ZNF469: variants seen among roughly 807,000 people sequenced by gnomAD.
ZNF469 encodes zinc finger protein 469.
ZNF469 carries 1 observed loss-of-function variant against 1.0 expected under a neutral mutation model. That is an observed-to-expected ratio of 1.00 (90% confidence interval 0.35 to 4.73). The LOEUF is 4.73. ZNF469 is among the 30% of genes most tolerant of loss of function. The probability of loss-of-function intolerance (pLI) is 0.16; values close to 1 mark genes in which losing one functional copy is unlikely to be tolerated. For synonymous variants in ZNF469, 2,703 were observed against 2,363.4 expected, an observed-to-expected ratio of 1.14 and a Z score of -4.17; for missense variants, 6,100 against 5,356.3, an observed-to-expected ratio of 1.14 and a Z score of -4.33.
chr16:88,218,409 G>A, the ZNF469 span, among the ~76,000 whole-genome samples: 4 of 150,406 alleles, frequency 2.7e-5, no homozygotes, highest in African/African-American at 9.8e-5. Flanking sequence ...TCACTCTGAT[G>A]GTAGTTTCTT....
rs751166329 is a variant in ZNF469, at chr16:88,428,445, G to A, written c.975G>A (p.Pro325=). The change falls in exon 3 of 3, where the codon CCG becomes CCA. Residue 325 remains proline, a synonymous_variant. Transcript: ENST00000565624. ...CCGTGGGCACGGGCCCTGCCTACCC[G>A]CTGCCCACCCAGCCTGCGCCCTCAC... is the stretch of plus-strand genomic sequence containing the variant. ...EEAVGTGPAY[P]LPTQPAPSPL... 43 of 1,548,062 alleles carry A rather than the reference G, an allele frequency of 2.8e-5. No individual in the cohort carries two copies. The highest frequency in any genetic ancestry group is 1.4e-4 in the South Asian group (12 of 84,040).
At position 88,388,402 on chromosome 16, in the gene ZNF469, C is replaced by T. The variant is rs972034104; in HGVS notation, c.-192+5148C>T. ...TGAGCAGCCATTGAGGCTTTCCTAC[C>T]GGCCGGGCACGGCAGCCGCCTGCAG... On this transcript the variant is annotated intron_variant, in intron 1 of 2. Transcript: ENST00000565624. 2.0e-5 allele frequency among the ~76,000 whole-genome samples: 3 copies of T among 152,386 alleles called. 1 individual carries two copies. Among genetic ancestry groups the T allele is most frequent in the African/African-American group, 2.4e-5 (1 of 41,592 alleles).
the ZNF469 span, among the ~76,000 whole-genome samples, chr16:88,149,315 G>C: frequency 6.6e-6 from 1 of 152,194 alleles, no homozygotes; most frequent in African/African-American, 2.4e-5. Context: ...AATTCCCCTG[G>C]TGAGTGCTGG....
the ZNF469 span, among the ~76,000 whole-genome samples, chr16:88,373,248 G>A: frequency 6.6e-6 from 1 of 152,240 alleles, no homozygotes; most frequent in African/African-American, 2.4e-5. Flanking sequence ...TCCTCCTGCA[G>A]TGGCCACAGT....
At chr16:88,165,643 C>G in the ZNF469 span, among the ~76,000 whole-genome samples, 3 of 152,198 alleles carry the variant, frequency 2.0e-5, no homozygotes, top group Non-Finnish European at 2.9e-5. Context: ...ATAAGACGTA[C>G]TATCTTAACC....
At chr16:88,336,390 A>G in the ZNF469 span, among the ~76,000 whole-genome samples, 3 of 148,430 alleles carry the variant, frequency 2.0e-5, no homozygotes, top group South Asian at 2.2e-4. Flanking sequence ...CCAACATCAC[A>G]CATGTTCATC....
At chr16:88,251,536 G>GTGTTTTTTTTTTTT in the ZNF469 span, among the ~76,000 whole-genome samples, 167 of 78,782 alleles carry the variant, frequency 2.1e-3, 25 homozygotes, top group Middle Eastern at 0.016. Flanking sequence ...TGTCCCTGCT[G>GTGTTTTTTTTTTTT]TCTTTTTTTT....
chr16:88,433,907 T>TG lies in ZNF469; in HGVS notation c.6444dup (p.Gln2149AlafsTer42), dbSNP rs886044697. ...TCGCCTTCCAGGGCCCAAGGTGGGCTGGGGGGGCAGCTGCCAGCATCTCCG... is the reference window on the plus strand; with the variant it reads ...TCGCCTTCCAGGGCCCAAGGTGGGCTGGGGGGGGCAGCTGCCAGCATCTCCG... On this transcript the variant is annotated frameshift_variant, in exon 3 of 3. Coordinates refer to ENST00000565624, the MANE Select transcript of ZNF469 (RefSeq NM_001367624.2). LOFTEE classifies it low-confidence loss of function (END_TRUNC). The TG allele has an allele frequency of 3.2e-6, 5 of 1,548,922 alleles. No homozygotes were observed. The highest frequency in any genetic ancestry group is 1.4e-5 in the African/African-American group (1 of 73,004).
the ZNF469 span, among the ~76,000 whole-genome samples, chr16:88,313,584 G>T: frequency 1.3e-5 from 2 of 151,058 alleles, no homozygotes; most frequent in African/African-American, 4.9e-5. Context: ...AGACAATGAT[G>T]GTGTGGACTC....
chr16:88,408,857 C>A (rs1328191331), intron 1 of ZNF469, among the ~76,000 whole-genome samples: 1 of 152,198 alleles, frequency 6.6e-6, no homozygotes, highest in Non-Finnish European at 1.5e-5. Context: ...TGGCAGATAT[C>A]CCTCTTTCTT....
the ZNF469 span, among the ~76,000 whole-genome samples, chr16:88,315,918 T>C: frequency 0.032 from 4,801 of 152,208 alleles, 254 homozygotes; most frequent in African/African-American, 0.11. Context: ...GGCTGCCTGC[T>C]CCGGACGTTC....
rs143095907 is a variant in ZNF469 at position 88,397,655 on chromosome 16, GAGAT to G, written c.-192+14426_-192+14429del. Among the ~76,000 whole-genome samples, 1,014 of 134,766 alleles carry G rather than the reference GAGAT, an allele frequency of 7.5e-3. 10 individuals carry two copies. Among genetic ancestry groups the G allele is most frequent in the African/African-American group, 0.024 (822 of 34,238 alleles). 88.4% of individuals were successfully genotyped at this position (134,766 alleles called of 152,430 possible). ...TGGATGGATGGATGGATATAAATAA[GAGAT>G]AGATAGATAGATAGATAGATAGATG... On this transcript the variant is annotated intron_variant, in intron 1 of 2. Coordinates refer to ENST00000565624, the MANE Select transcript of ZNF469 (RefSeq NM_001367624.2).
the ZNF469 span, among the ~76,000 whole-genome samples, chr16:88,189,058 T>G: frequency 6.6e-6 from 1 of 152,056 alleles, no homozygotes; most frequent in Non-Finnish European, 1.5e-5. This position sits in a 1 kb window ranked among gnomAD's most constrained non-coding sequence, Gnocchi z 4.3. Context: ...GGAGGATGTC[T>G]CACTAAAAAC....
chr16:88,353,597 C>T, the ZNF469 span, among the ~76,000 whole-genome samples: 2 of 152,234 alleles, frequency 1.3e-5, no homozygotes, highest in African/African-American at 4.8e-5. Context: ...TTAGGCCTTC[C>T]CTGCTCGGTG....
the ZNF469 span, among the ~76,000 whole-genome samples, chr16:88,325,158 GACATACACAGGGCCTCAAGTCCTCAC>G: frequency 1.5e-3 from 133 of 86,308 alleles, no homozygotes; most frequent in Middle Eastern, 5.6e-3. Context: ...CAGCAGCTGC[GACATACACAGGGCCTCAAGTCCTCAC>G]CTGCACACTC....
At chr16:88,111,738 G>A in the ZNF469 span, among the ~76,000 whole-genome samples, 1 of 152,196 alleles carries the variant, frequency 6.6e-6, no homozygotes, top group African/African-American at 2.4e-5. Context: ...CCGGGTTCAA[G>A]CGATCCTCCT....
chr16:88,428,773 G>C lies in ZNF469; in HGVS notation c.1303G>C (p.Ala435Pro). ...GCTGGCCGCCCCAGGGCCCCCACCCGCCAGGCTGCCCCAGCTGTGGGACCC... is the reference window on the plus strand; with the variant it reads ...GCTGGCCGCCCCAGGGCCCCCACCCCCCAGGCTGCCCCAGCTGTGGGACCC... ...TELAAPGPPP[A>P]RLPQLWDPTA... Residue 435 changes from alanine (A) to proline (P), a missense_variant, in exon 3 of 3, where the codon GCC (alanine) becomes CCC (proline). By Grantham distance (27) the Ala-to-Pro change is conservative. Coordinates refer to ENST00000565624, the MANE Select transcript of ZNF469 (RefSeq NM_001367624.2). 6.5e-7 allele frequency: 1 copy of C among 1,545,300 alleles called. No homozygotes were observed. Among genetic ancestry groups the C allele is most frequent in the Non-Finnish European group, 8.7e-7 (1 of 1,145,624 alleles).
the ZNF469 span, among the ~76,000 whole-genome samples, chr16:88,242,353 T>TC: frequency 6.6e-6 from 1 of 152,146 alleles, no homozygotes; most frequent in Non-Finnish European, 1.5e-5. Flanking sequence ...GAGGCCAGAG[T>TC]CCGAGTCAGG....
rs968128983 is a variant in ZNF469, at chr16:88,436,268, G to A, written c.8798G>A (p.Gly2933Asp). The A allele has an allele frequency of 1.3e-6, 2 of 1,549,954 alleles. No individual in the cohort carries two copies. The change falls in exon 3 of 3, where the codon GGT (glycine) becomes GAT (aspartate). Residue 2933 changes from glycine (G) to aspartate (D), a missense_variant. Transcript: ENST00000565624. ...EDPWEDEDPAGLPESFLLDGF... is the reference protein window; with the variant it reads ...EDPWEDEDPADLPESFLLDGF... ...CCGTGGGAGGACGAGGATCCCGCAG[G>A]TCTGCCCGAGTCCTTCCTCCTGGAT...
Sources: gnomAD v4.1 joint callset for allele counts (sites outside exome capture counted in the v4.1 genomes callset) on GRCh38, gnomAD v4.1.1 for gene constraint, Gnocchi (gnomAD v3.1) non-coding constraint, MANE v1.5 for transcripts, NCBI Gene and HGNC (gene_info 2026-07-23, HGNC 2026-07-21) for gene names.